Variants in CCSER2 observed in about 807,000 individuals in gnomAD.
CCSER2 encodes serine-rich coiled-coil domain-containing protein 2.
CCSER2 carries 46 observed loss-of-function variants against 92.3 expected under a neutral mutation model. The ratio of observed to expected loss-of-function variants is 0.50; its 90% CI spans 0.39 to 0.64. The LOEUF (loss-of-function observed/expected upper bound fraction) is 0.64, where lower values mean the gene tolerates loss of function less well. Among genes scored for constraint, CCSER2 ranks in the 30% least tolerant of loss-of-function variants. The pLI, the probability that CCSER2 is intolerant of heterozygous loss-of-function variation, is 0.00. For missense variants in CCSER2, 1,244 were observed against 1,238.9 expected (o/e 1.00, Z -0.06); for synonymous variants, 433 against 431.4 (o/e 1.00, Z -0.04).
At chr10:84,405,707 G>A (rs973117933) in intron 3 of CCSER2, among the ~76,000 whole-genome samples, 6 of 152,200 alleles carry the variant, frequency 3.9e-5, no homozygotes, top group African/African-American at 1.4e-4. Flanking sequence ...ATGTAAAAGT[G>A]TGTTCAACAT....
intron 6 of CCSER2, among the ~76,000 whole-genome samples, chr10:84,447,145 T>C (rs1844973630): frequency 6.6e-6 from 1 of 152,148 alleles, no homozygotes; most frequent in Non-Finnish European, 1.5e-5. Flanking sequence ...TCCTGAAGCA[T>C]GGAAATAGTT....
At chr10:84,338,974 A>G (rs1294976933) in intron 1 of CCSER2, among the ~76,000 whole-genome samples, 1 of 151,796 alleles carries the variant, frequency 6.6e-6, no homozygotes, top group Non-Finnish European at 1.5e-5. Context: ...CTTTCTCCAG[A>G]TTTTCTTCCC....
chr10:84,468,471 A>G (rs975927364), intron 7 of CCSER2, among the ~76,000 whole-genome samples: 1 of 152,244 alleles, frequency 6.6e-6, no homozygotes, highest in African/African-American at 2.4e-5. Flanking sequence ...CTGTCAATTA[A>G]AAGTAAAATT....
chr10:84,376,820 G>A (rs1260144527), intron 3 of CCSER2, among the ~76,000 whole-genome samples: 8 of 152,018 alleles, frequency 5.3e-5, no homozygotes, highest in Non-Finnish European at 1.0e-4. Flanking sequence ...TGAACATTCC[G>A]GAAAATTCAC....
At chr10:84,489,057 C>G (rs1763974) in intron 9 of CCSER2, among the ~76,000 whole-genome samples, 11,621 of 152,086 alleles carry the variant, frequency 0.076, 492 homozygotes, top group Middle Eastern at 0.12. Flanking sequence ...TTTTGAGTGA[C>G]TTTATTAATC....
chr10:84,439,167 T>C (rs924349176), intron 6 of CCSER2, among the ~76,000 whole-genome samples: 2 of 150,332 alleles, frequency 1.3e-5, no homozygotes, highest in African/African-American at 4.9e-5. Context: ...GATCTTCAAG[T>C]TTAATCTTCT....
rs1182703305 is a variant in CCSER2 at position 84,328,610 on chromosome 10, C to T, written c.-238C>T. 4 of 149,934 alleles carry T rather than the reference C, an allele frequency of 2.7e-5. No individual in the cohort carries two copies. Among genetic ancestry groups the T allele is most frequent in the Non-Finnish European group, 5.9e-5 (4 of 67,344 alleles). 9.3% of individuals were successfully genotyped at this position (149,934 alleles called of 1,614,324 possible). A position where few individuals can be genotyped will look rare whatever the true frequency, so the allele number is the denominator to read the frequency against. On this transcript the variant is annotated 5_prime_UTR_variant, in exon 1 of 10. Coordinates refer to ENST00000372088, the MANE Select transcript of CCSER2 (RefSeq NM_001284240.2). ...GGGCGGAGTCCGGGCGGGCGCCGGCCGAGGGAGGGGGCGCGGCGGCTTTGG... is the reference window on the plus strand; with the variant it reads ...GGGCGGAGTCCGGGCGGGCGCCGGCTGAGGGAGGGGGCGCGGCGGCTTTGG...
chr10:84,455,849 A>C (rs1448287710), intron 6 of CCSER2: 3 of 765,408 alleles, frequency 3.9e-6, no homozygotes, highest in African/African-American at 1.7e-5. Context: ...TGTATATCCC[A>C]TTGTAACGGG....
At chr10:84,342,975 C>T (rs1046506595) in intron 1 of CCSER2, among the ~76,000 whole-genome samples, 1 of 152,108 alleles carries the variant, frequency 6.6e-6, no homozygotes, top group Non-Finnish European at 1.5e-5. Flanking sequence ...CGGGTTCAAG[C>T]AATTCTCCTG....
Position 84,516,446 on chromosome 10 carries a change from T to C in CCSER2, c.*2179T>C, listed in dbSNP as rs1396906965. 2.6e-5 allele frequency: 4 copies of C among 152,212 alleles called. No homozygotes were observed. Among genetic ancestry groups the C allele is most frequent in the Admixed American group, 1.3e-4 (2 of 15,286 alleles). The allele number at this position is 152,212 out of a possible 1,614,324, so 9.4% of individuals were successfully genotyped here. A position where few individuals can be genotyped will look rare whatever the true frequency, so the allele number is the denominator to read the frequency against. Reference sequence around the variant, plus strand: ...AAGTGGGCATACATGTTCTATCATTTTGAAGGAGAAAGAAAACCGTTCTCA... The same window carrying C: ...AAGTGGGCATACATGTTCTATCATTCTGAAGGAGAAAGAAAACCGTTCTCA... On this transcript the variant is annotated 3_prime_UTR_variant, in exon 10 of 10. Transcript: ENST00000372088.
chr10:84,389,284 A>G, intron 3 of CCSER2: 3 of 519,360 alleles, frequency 5.8e-6, no homozygotes, highest in Admixed American at 3.9e-5. Context: ...TAATCGTTCC[A>G]GAGAGTTCTC....
chr10:84,459,361 T>G (rs1435217229), intron 6 of CCSER2, among the ~76,000 whole-genome samples: 1 of 152,228 alleles, frequency 6.6e-6, no homozygotes, highest in Non-Finnish European at 1.5e-5. Context: ...TTCTTTCCTA[T>G]TCGTTCGCCT....
At chr10:84,410,245 A>G (rs947010874) in intron 3 of CCSER2, among the ~76,000 whole-genome samples, 7 of 152,200 alleles carry the variant, frequency 4.6e-5, no homozygotes, top group African/African-American at 1.7e-4. Context: ...ATCTTTATAT[A>G]ATAGAATTAT....
chr10:84,364,866 C>G (rs1414262716), intron 1 of CCSER2, among the ~76,000 whole-genome samples: 2 of 151,286 alleles, frequency 1.3e-5, no homozygotes, highest in Non-Finnish European at 2.9e-5. Flanking sequence ...CTCAGCCTCC[C>G]GAGTAGCTCA....
chr10:84,331,352 G>A (rs907091930), intron 1 of CCSER2, among the ~76,000 whole-genome samples: 2 of 152,174 alleles, frequency 1.3e-5, no homozygotes, highest in African/African-American at 2.4e-5. Flanking sequence ...TTGTGGCTGA[G>A]AAACATGATA....
intron 3 of CCSER2, among the ~76,000 whole-genome samples, chr10:84,384,439 G>A (rs1448436537): frequency 1.3e-5 from 2 of 152,020 alleles, no homozygotes; most frequent in Non-Finnish European, 2.9e-5. Flanking sequence ...TGATCAAGTG[G>A]GTTTTATTTT....
rs763490023 is a variant in CCSER2 at position 84,363,259 on chromosome 10, G to T, written c.-39-7755G>T. On this transcript the variant is annotated intron_variant, in intron 1 of 9. Transcript: ENST00000372088. ...TCCACCTGCCTGGGCCTCCCAAAGT[G>T]CTGGGATTACAGGTGTGAGCCACCA... Among the ~76,000 whole-genome samples the T allele has an allele frequency of 4.1e-4, 62 of 151,458 alleles. 1 individual carries two copies. The highest frequency in any genetic ancestry group is 2.6e-4 in the Admixed American group (4 of 15,174).
chr10:84,375,947 C>G (rs1473733250), intron 3 of CCSER2, among the ~76,000 whole-genome samples: 5 of 149,918 alleles, frequency 3.3e-5, no homozygotes, highest in African/African-American at 9.8e-5. Flanking sequence ...CTTTTCTTGT[C>G]TCTGCAACAC....
chr10:84,357,139 T>C (rs1845215038), intron 1 of CCSER2, among the ~76,000 whole-genome samples: 1 of 152,130 alleles, frequency 6.6e-6, no homozygotes, highest in Non-Finnish European at 1.5e-5. Context: ...TGACAAGAAA[T>C]GAGAGCCCAC....
Sources: allele counts gnomAD v4.1 joint callset (sites outside exome capture counted in the v4.1 genomes callset), GRCh38; gene constraint gnomAD v4.1.1; transcripts MANE v1.5; gene names NCBI Gene and HGNC (gene_info 2026-07-23, HGNC 2026-07-21).